Variants in ZBTB4 observed in about 807,000 individuals in gnomAD.
ZBTB4 encodes the protein zinc finger and BTB domain-containing protein 4.
Under a neutral mutation model 59.8 loss-of-function variants are expected in ZBTB4, and 14 were observed. The ratio of observed to expected loss-of-function variants is 0.23; its 90% confidence interval spans 0.15 to 0.37. The LOEUF (loss-of-function observed/expected upper bound fraction) is 0.37. Ranked by LOEUF, ZBTB4 falls within the 10% of genes least tolerant of loss-of-function variation. The probability of loss-of-function intolerance (pLI) is 1.00; values close to 1 mark genes in which losing one functional copy is unlikely to be tolerated. For synonymous variants in ZBTB4, 587 were observed against 575.2 expected (o/e 1.02, Z -0.29); for missense variants, 1,198 against 1,380.8 (o/e 0.87, Z 2.10).
At position 7,460,333 on chromosome 17, in the gene ZBTB4, G is replaced by A. The variant is rs2070002918; in HGVS notation, c.*1607C>T. 6.5e-6 allele frequency: 1 copy of A among 152,764 alleles called. No homozygotes were observed. The highest frequency in any genetic ancestry group is 2.1e-4 in the South Asian group (1 of 4,830). The allele number at this position is 152,764 out of a possible 1,614,324, so 9.5% of individuals were successfully genotyped here. A position where few individuals can be genotyped will look rare whatever the true frequency, so the allele number is the denominator to read the frequency against. ...ATATGCTGGGAGGGTATGAGGGGTA[G>A]GAGGATGGTCCTGGCCCTCCCTAAA... is the stretch of plus-strand genomic sequence containing the variant. On this transcript the variant is annotated 3_prime_UTR_variant, in exon 4 of 4. Coordinates refer to ENST00000380599, the MANE Select transcript of ZBTB4 (RefSeq NM_001128833.2).
chr17:7,478,813 A>G (rs922149632), intron 1 of ZBTB4, among the ~76,000 whole-genome samples: 54 of 152,146 alleles, frequency 3.5e-4, no homozygotes, highest in Non-Finnish European at 5.9e-5. Flanking sequence ...CTGGCTTTCT[A>G]TCTCCATGGC....
chr17:7,480,612 CG>C (rs1161443713), upstream of ZBTB4, among the ~76,000 whole-genome samples: 2 of 151,780 alleles, frequency 1.3e-5, no homozygotes, highest in Non-Finnish European at 2.9e-5. Flanking sequence ...CCCAGCTACT[CG>C]GGAGGCTGAG....
chr17:7,467,095 TGTAA>T (rs1464095901), intron 2 of ZBTB4, 158 bp downstream of exon 2: 9 of 913,904 alleles, frequency 9.8e-6, no homozygotes, highest in African/African-American at 1.8e-5. Context: ...AGACTAGAGA[TGTAA>T]GTGAGGCAAA....
chr17:7,475,569 A>C (rs1039737662), intron 1 of ZBTB4, among the ~76,000 whole-genome samples: 6 of 151,498 alleles, frequency 4.0e-5, no homozygotes, highest in African/African-American at 1.5e-4. Flanking sequence ...CTCCTGCCTC[A>C]GCCTCCAGAG....
chr17:7,468,233 C>T (rs1379243456), intron 1 of ZBTB4, among the ~76,000 whole-genome samples: 2 of 152,148 alleles, frequency 1.3e-5, no homozygotes, highest in Non-Finnish European at 2.9e-5. Context: ...ATTAGCCGGG[C>T]GTGGTGGCAC....
chr17:7,462,991 C>G lies in ZBTB4; in HGVS notation c.1991G>C (p.Trp664Ser). ...AGGCTTGTAGGAGTAGTAGGGCCTC[C>G]AGAGCTGGTCCTCCCCACCAGCCTT... ...ESKAGGEDQL[W>S]RPYYSYKPKR... is the part of the protein sequence containing the mutation. Residue 664 changes from tryptophan (W) to serine (S), a missense_variant, in exon 4 of 4, where the codon TGG (tryptophan) becomes TCG (serine). Trp to Ser is a radical substitution (Grantham distance 177). Transcript: ENST00000380599. This position sits in a 1 kb window ranked among gnomAD's most constrained non-coding sequence, Gnocchi z 7.5. 6.2e-7 allele frequency: 1 copy of G among 1,609,766 alleles called. No homozygotes were observed. The highest frequency in any genetic ancestry group is 8.5e-7 in the Non-Finnish European group (1 of 1,178,726).
chr17:7,468,709 A>G (rs1180585221), intron 1 of ZBTB4, among the ~76,000 whole-genome samples: 1 of 152,146 alleles, frequency 6.6e-6, no homozygotes, highest in Non-Finnish European at 1.5e-5. Flanking sequence ...GTGTCTTCAG[A>G]GGTGTCCGGC....
chr17:7,459,477 G>A lies in ZBTB4; in HGVS notation c.*2463C>T, dbSNP rs1410058851. 2.6e-5 allele frequency: 4 copies of A among 152,546 alleles called. No individual in the cohort carries two copies. The highest frequency in any genetic ancestry group is 4.4e-5 in the Non-Finnish European group (3 of 68,034). The allele number at this position is 152,546 out of a possible 1,614,324, so 9.4% of individuals were successfully genotyped here. ...TTCTCTAAATCTGGGTCCTCACTAC[G>A]TATAGAGCTAGTCTGTAGAATTCTA... On this transcript the variant is annotated 3_prime_UTR_variant, in exon 4 of 4. Transcript: ENST00000380599.
At position 7,460,005 on chromosome 17, in the gene ZBTB4, T is replaced by C. The variant is rs557594553; in HGVS notation, c.*1935A>G. ...CTTGTGGTTCCGCTGTATAGATAGA[T>C]AGATATATAATTTGTGTGTAGATAT... On this transcript the variant is annotated 3_prime_UTR_variant, in exon 4 of 4. Coordinates refer to ENST00000380599, the MANE Select transcript of ZBTB4 (RefSeq NM_001128833.2). The C allele has an allele frequency of 6.5e-6, 1 of 152,724 alleles. No homozygotes were observed. The highest frequency in any genetic ancestry group is 1.9e-4 in the East Asian group (1 of 5,192). The allele number at this position is 152,724 out of a possible 1,614,324, so 9.5% of individuals were successfully genotyped here. A position where few individuals can be genotyped will look rare whatever the true frequency, so the allele number is the denominator to read the frequency against.
At chr17:7,468,619 G>A (rs941547036) in intron 1 of ZBTB4, among the ~76,000 whole-genome samples, 3 of 152,118 alleles carry the variant, frequency 2.0e-5, no homozygotes, top group African/African-American at 7.2e-5. Flanking sequence ...AGAGCTCTCC[G>A]GACCCTCTCC....
chr17:7,462,699 G>A lies in ZBTB4; in HGVS notation c.2283C>T (p.Pro761=), dbSNP rs543579293. 1.2e-6 allele frequency: 2 copies of A among 1,605,352 alleles called. No individual in the cohort carries two copies. The highest frequency in any genetic ancestry group is 1.3e-5 in the African/African-American group (1 of 75,060). ...GSHSSRAGRR[P]STRFTCPHCA... ...AGTGGGGGCAGGTAAAGCGGGTGGA[G>A]GGCCTCCGTCCGGCCCGGGAGCTGT... The change falls in exon 4 of 4, where the codon CCC becomes CCT. Residue 761 remains proline, a synonymous_variant. Transcript: ENST00000380599. The surrounding 1 kb of genome is among the most constrained non-coding windows in gnomAD (Gnocchi z 7.5).
upstream of ZBTB4, among the ~76,000 whole-genome samples, chr17:7,480,950 A>C (rs2070337750): frequency 6.6e-6 from 1 of 151,856 alleles, no homozygotes; most frequent in Non-Finnish European, 1.5e-5. Context: ...ACTTGAGGTA[A>C]GGAGTTCAAG....
At chr17:7,480,044 A>C (rs2070323993), upstream of ZBTB4, among the ~76,000 whole-genome samples, 2 of 151,908 alleles carry the variant, frequency 1.3e-5, no homozygotes. Flanking sequence ...GGGTCGGCAC[A>C]CTCAAAGAGG....
At position 7,461,824 on chromosome 17, in the gene ZBTB4, A is replaced by G. The variant is rs369963786; in HGVS notation, c.*116T>C. 1.1e-6 allele frequency: 1 copy of G among 923,150 alleles called. No homozygotes were observed. Among genetic ancestry groups the G allele is most frequent in the South Asian group, 2.1e-5 (1 of 47,596 alleles). 57.2% of individuals were successfully genotyped at this position (923,150 alleles called of 1,614,324 possible). A position where few individuals can be genotyped will look rare whatever the true frequency, so the allele number is the denominator to read the frequency against. On this transcript the variant is annotated 3_prime_UTR_variant, in exon 4 of 4. Transcript: ENST00000380599. Reference sequence around the variant, plus strand: ...GACCCCTGAGCTCCAGGGGCCCCCAAGTCCCTGCACAAGAGTGTGAAGGGG... The same window carrying G: ...GACCCCTGAGCTCCAGGGGCCCCCAGGTCCCTGCACAAGAGTGTGAAGGGG...
At position 7,472,993 on chromosome 17, in the gene ZBTB4, C is replaced by T. The variant is rs572422898; in HGVS notation, c.-80-5666G>A. On this transcript the variant is annotated intron_variant, in intron 1 of 3. Transcript: ENST00000380599. ...GGCGGGGGACAGAGTCTAGCTCTGT[C>T]GCCCAGGCTGGAGTGCAGTGGCACA... is the stretch of plus-strand genomic sequence containing the variant. Among the ~76,000 whole-genome samples the T allele has an allele frequency of 7.5e-5, 11 of 147,374 alleles. No homozygotes were observed. The South Asian group carries it at 1.5e-3, about 20-fold the overall frequency.
rs569819170 is a variant in ZBTB4 at position 7,470,770 on chromosome 17, A to G, written c.-80-3443T>C. On this transcript the variant is annotated intron_variant, in intron 1 of 3. Coordinates refer to ENST00000380599, the MANE Select transcript of ZBTB4 (RefSeq NM_001128833.2). ...CTGGCCCAAGGACGTATGACCAGCT[A>G]GTAGCAGGGCTGGGATCTGATCCCA... Among the ~76,000 whole-genome samples the G allele has an allele frequency of 5.3e-5, 8 of 152,334 alleles. No homozygotes were observed. In the South Asian group the frequency reaches 1.5e-3, roughly 28 times the overall value.
At chr17:7,482,773 C>T, upstream of ZBTB4, 2 of 1,612,052 alleles carry the variant, frequency 1.2e-6, no homozygotes, top group South Asian at 1.1e-5. Context: ...GGATCCTCGC[C>T]TTGGTCTCCT....
At position 7,463,059 on chromosome 17, in the gene ZBTB4, C is replaced by G. The variant is rs2070053942; in HGVS notation, c.1923G>C (p.Glu641Asp). 4 of 1,610,448 alleles carry G rather than the reference C, an allele frequency of 2.5e-6. No homozygotes were observed. The highest frequency in any genetic ancestry group is 3.4e-6 in the Non-Finnish European group (4 of 1,178,924). The change falls in exon 4 of 4, where the codon GAG becomes GAC. Residue 641 changes from glutamate to aspartate, a missense_variant. Physicochemically the swap from Glu to Asp is conservative, Grantham distance 45. Coordinates refer to ENST00000380599, the MANE Select transcript of ZBTB4 (RefSeq NM_001128833.2). ...EEMEESEEDE[E>D]EEDEEEEEED... ...CCTCCTCCTCCTCTTCGTCCTCCTC[C>G]TCTTCGTCCTCCTCACTCTCCTCCA... is the stretch of plus-strand genomic sequence containing the variant.
rs140844158 is a variant in ZBTB4, at chr17:7,463,198, A to G, written c.1784T>C (p.Leu595Pro). 2.5e-6 allele frequency: 4 copies of G among 1,608,606 alleles called. No homozygotes were observed. The highest frequency in any genetic ancestry group is 2.7e-5 in the African/African-American group (2 of 75,056). Residue 595 changes from leucine to proline, a missense_variant, in exon 4 of 4, where the codon CTG (leucine) becomes CCG (proline). Leu to Pro is a moderately conservative substitution (Grantham distance 98). Around this residue, in one of 9 missense-constraint regions of ZBTB4, gnomAD observed 550 missense variants for 541.8 expected, o/e 1.02. Transcript: ENST00000380599. Reference protein sequence around the residue: ...PTGAGRGPSQLQAPPPLCQIT... With the variant: ...PTGAGRGPSQPQAPPPLCQIT... ...CTGACACAGTGGAGGTGGAGCCTGCAGCTGAGAGGGGCCCCGGCCAGCCCC... is the reference window on the plus strand; with the variant it reads ...CTGACACAGTGGAGGTGGAGCCTGCGGCTGAGAGGGGCCCCGGCCAGCCCC...
Sources: allele counts gnomAD v4.1 joint callset (sites outside exome capture counted in the v4.1 genomes callset), GRCh38; gene constraint gnomAD v4.1.1; regional missense constraint gnomAD v4.1.1; non-coding constraint Gnocchi (gnomAD v3.1); transcripts MANE v1.5; gene names NCBI Gene and HGNC (gene_info 2026-07-23, HGNC 2026-07-21).